GPHN: variants seen among roughly 807,000 people sequenced by gnomAD.
GPHN encodes gephyrin.
In GPHN, 17 loss-of-function variants were observed where a neutral mutation model predicts 95.5. The observed-to-expected ratio is 0.18, with a 90% confidence interval of 0.12 to 0.27. The LOEUF (loss-of-function observed/expected upper bound fraction) is 0.27. GPHN is among the 10% of genes least tolerant of loss of function. The probability of loss-of-function intolerance (pLI) is 1.00; values close to 1 mark genes in which losing one functional copy is unlikely to be tolerated. For missense variants in GPHN, 660 were observed against 978.1 expected (o/e 0.67, Z 4.34); for synonymous variants, 320 against 322.5 (o/e 0.99, Z 0.08).
chr14:67,193,433 A>T, the GPHN span, among the ~76,000 whole-genome samples: 1 of 142,378 alleles, frequency 7.0e-6, no homozygotes, highest in South Asian at 2.2e-4. Flanking sequence ...TTATATCTGT[A>T]TATCTAGATA....
chr14:66,886,463 T>C (rs2064196326), intron 5 of GPHN, among the ~76,000 whole-genome samples: 2 of 151,168 alleles, frequency 1.3e-5, no homozygotes, highest in South Asian at 4.2e-4. Flanking sequence ...TACTCAGGAG[T>C]TCTAAGTCAT....
the GPHN span, among the ~76,000 whole-genome samples, chr14:67,716,403 C>A: frequency 6.6e-6 from 1 of 151,960 alleles, no homozygotes; most frequent in Non-Finnish European, 1.5e-5. Flanking sequence ...AAAAAAAATT[C>A]CATTTATGTT....
At chr14:67,687,748 A>T in the GPHN span, among the ~76,000 whole-genome samples, 1 of 146,512 alleles carries the variant, frequency 6.8e-6, no homozygotes, top group African/African-American at 2.5e-5. Flanking sequence ...TGGGATTACA[A>T]GCATGAGCCA....
the GPHN span, among the ~76,000 whole-genome samples, chr14:67,258,622 A>C: frequency 6.6e-6 from 1 of 152,106 alleles, no homozygotes; most frequent in Non-Finnish European, 1.5e-5. Flanking sequence ...AGGTTTCACT[A>C]TCTTGCCCAG....
chr14:67,309,371 T>G, the GPHN span, among the ~76,000 whole-genome samples: 1 of 152,198 alleles, frequency 6.6e-6, no homozygotes, highest in South Asian at 2.1e-4. Context: ...AAATCATTAA[T>G]TTTTCAGATG....
the GPHN span, chr14:67,395,685 T>G: frequency 1.2e-6 from 1 of 846,410 alleles, no homozygotes. Flanking sequence ...TGACAGTGAC[T>G]GCCAAATGCC....
intron 1 of GPHN, among the ~76,000 whole-genome samples, chr14:66,666,292 C>T (rs2065951634): frequency 6.7e-6 from 1 of 150,334 alleles, no homozygotes; most frequent in African/African-American, 2.4e-5. Context: ...ATTGAATCTT[C>T]CAACCACCCA....
At chr14:66,839,710 T>C (rs1596096662) in intron 4 of GPHN, among the ~76,000 whole-genome samples, 1 of 152,184 alleles carries the variant, frequency 6.6e-6, no homozygotes, top group South Asian at 2.1e-4. Flanking sequence ...CCCCCATTGA[T>C]GAGATTCAAA....
At chr14:66,745,574 G>T (rs2058111980) in intron 2 of GPHN, among the ~76,000 whole-genome samples, 2 of 151,762 alleles carry the variant, frequency 1.3e-5, no homozygotes, top group Admixed American at 1.3e-4. Context: ...TCACCATTTT[G>T]TTATATATTG....
the GPHN span, among the ~76,000 whole-genome samples, chr14:67,612,801 C>T: frequency 6.6e-6 from 1 of 151,988 alleles, no homozygotes; most frequent in Non-Finnish European, 1.5e-5. Context: ...AAAAATTAGC[C>T]AGGGGTGGTG....
At chr14:66,558,388 G>T (rs556942214) in intron 1 of GPHN, among the ~76,000 whole-genome samples, 72 of 152,220 alleles carry the variant, frequency 4.7e-4, no homozygotes, top group African/African-American at 1.6e-3. Flanking sequence ...GATTACTGAA[G>T]ATCAAAAATT....
chr14:66,690,612 C>T (rs140316900), intron 2 of GPHN, among the ~76,000 whole-genome samples: 193 of 152,214 alleles, frequency 1.3e-3, no homozygotes, highest in African/African-American at 4.3e-3. Context: ...GTTGAAGTCC[C>T]CATCTATTAT....
At chr14:66,913,735 A>G (rs1272959641) in intron 5 of GPHN, among the ~76,000 whole-genome samples, 1 of 152,136 alleles carries the variant, frequency 6.6e-6, no homozygotes, top group Non-Finnish European at 1.5e-5. Context: ...TACATTTTAC[A>G]ATTATAAACT....
chr14:67,025,502 C>T (rs773049572), intron 10 of GPHN, among the ~76,000 whole-genome samples: 4 of 152,038 alleles, frequency 2.6e-5, no homozygotes, highest in African/African-American at 9.7e-5. Context: ...AATAGGCACC[C>T]TGAGGAATTT....
At chr14:66,956,313 A>G (rs1303407316) in intron 8 of GPHN, among the ~76,000 whole-genome samples, 1 of 151,924 alleles carries the variant, frequency 6.6e-6, no homozygotes, top group Admixed American at 6.6e-5. Context: ...TTATTTTCTT[A>G]TTTCCTTTAT....
chr14:67,670,991 T>C, the GPHN span, among the ~76,000 whole-genome samples: 1 of 152,212 alleles, frequency 6.6e-6, no homozygotes, highest in African/African-American at 2.4e-5. Context: ...TAATAATTCA[T>C]GATGGGCATT....
chr14:66,558,618 CTTACT>C (rs2060102912), intron 1 of GPHN, among the ~76,000 whole-genome samples: 1 of 151,876 alleles, frequency 6.6e-6, no homozygotes, highest in African/African-American at 2.4e-5. Context: ...TTAAGTCATT[CTTACT>C]TTACTTTTTA....
At chr14:66,766,878 T>C (rs1056259380) in intron 2 of GPHN, among the ~76,000 whole-genome samples, 1 of 152,006 alleles carries the variant, frequency 6.6e-6, no homozygotes, top group Non-Finnish European at 1.5e-5. Context: ...TTCCAGTCTT[T>C]TTAGAACAGT....
intron 1 of GPHN, among the ~76,000 whole-genome samples, chr14:66,654,650 A>C (rs1312903826): frequency 6.6e-6 from 1 of 152,068 alleles, no homozygotes; most frequent in African/African-American, 2.4e-5. Flanking sequence ...GAAAGTTTTA[A>C]ATTTTGATAA....
Sources: allele counts gnomAD v4.1 joint callset (sites outside exome capture counted in the v4.1 genomes callset), GRCh38; gene constraint gnomAD v4.1.1; transcripts MANE v1.5; gene names NCBI Gene and HGNC (gene_info 2026-07-23, HGNC 2026-07-21).